Variants in ITGBL1 observed in about 807,000 individuals in gnomAD.
ITGBL1 encodes integrin beta-like protein 1.
Under a neutral mutation model 68.5 loss-of-function variants are expected in ITGBL1, and 51 were observed. The ratio of observed to expected loss-of-function variants is 0.74; its 90% CI spans 0.59 to 0.94. The LOEUF (loss-of-function observed/expected upper bound fraction) is 0.94, where lower values mean the gene tolerates loss of function less well. Ranked by LOEUF, ITGBL1 falls within the 40% of genes least tolerant of loss-of-function variation. ITGBL1 has a pLI of 0.00. For missense variants in ITGBL1, 649 were observed against 647.4 expected (o/e 1.00, Z -0.03); for synonymous variants, 209 against 227.3 (o/e 0.92, Z 0.72).
chr13:101,524,651 TTATTC>T (rs2049342627), intron 2 of ITGBL1, among the ~76,000 whole-genome samples: 1 of 93,494 alleles, frequency 1.1e-5, no homozygotes, highest in Admixed American at 1.3e-4. Context: ...CAATGTATTC[TTATTC>T]TTTTTTTTTT....
At chr13:101,462,274 C>A (rs60182269) in intron 2 of ITGBL1, among the ~76,000 whole-genome samples, 128 of 152,288 alleles carry the variant, frequency 8.4e-4, no homozygotes, top group African/African-American at 2.8e-3. Context: ...CCCAGATAAT[C>A]CAGGATAAGC....
chr13:101,537,572 G>C (rs998611604), intron 2 of ITGBL1, among the ~76,000 whole-genome samples: 1 of 151,866 alleles, frequency 6.6e-6, no homozygotes, highest in Admixed American at 6.6e-5. Context: ...GAGCAGTATG[G>C]TACCTTCACT....
At chr13:101,647,003 G>A (rs557185705) in intron 7 of ITGBL1, among the ~76,000 whole-genome samples, 12 of 152,204 alleles carry the variant, frequency 7.9e-5, no homozygotes, top group African/African-American at 1.9e-4. Flanking sequence ...AATAGACCCT[G>A]AGTGGTACAA....
intron 2 of ITGBL1, among the ~76,000 whole-genome samples, chr13:101,561,331 G>T (rs1036350839): frequency 6.6e-6 from 1 of 152,094 alleles, no homozygotes; most frequent in South Asian, 2.1e-4. Flanking sequence ...GCTCCTCCAG[G>T]ATGGTCATGA....
intron 8 of ITGBL1, among the ~76,000 whole-genome samples, chr13:101,700,016 G>T (rs149643352): frequency 6.6e-6 from 1 of 152,118 alleles, no homozygotes; most frequent in East Asian, 1.9e-4. Flanking sequence ...TAAATATTGG[G>T]GTCCCCAAGA....
At chr13:101,659,781 A>G (rs12584138) in intron 7 of ITGBL1, among the ~76,000 whole-genome samples, 42,631 of 151,996 alleles carry the variant, frequency 0.28, 6,504 homozygotes, top group East Asian at 0.44. Flanking sequence ...ATTTTTAAGT[A>G]ACTATGTATC....
intron 2 of ITGBL1, among the ~76,000 whole-genome samples, chr13:101,555,030 T>A (rs988443188): frequency 6.6e-6 from 1 of 152,188 alleles, no homozygotes; most frequent in African/African-American, 2.4e-5. Context: ...AACAACATCT[T>A]TAATATTACT....
intron 7 of ITGBL1, among the ~76,000 whole-genome samples, chr13:101,687,161 G>C (rs760670658): frequency 6.6e-6 from 1 of 151,994 alleles, no homozygotes; most frequent in Non-Finnish European, 1.5e-5. Context: ...TGAGGTAAAT[G>C]CTATAGAATA....
chr13:101,473,728 C>T (rs182141233), intron 2 of ITGBL1, among the ~76,000 whole-genome samples: 107 of 152,194 alleles, frequency 7.0e-4, no homozygotes, highest in African/African-American at 2.5e-3. Context: ...CAGTGCAGCT[C>T]ATAGCTCCAG....
rs1426520663 is a variant in ITGBL1, at chr13:101,671,443, TTTTG to T, written c.1016-21138_1016-21135del. The stretch of plus-strand genomic sequence containing the variant: ...ATACCTTTGTTTTTTTTTTGTTTTT[TTTTG>T]TTTTTTTTTGAGACGGAGTCTCGCT... On this transcript the variant is annotated intron_variant, in intron 7 of 10. Coordinates refer to ENST00000376180, the MANE Select transcript of ITGBL1 (RefSeq NM_004791.3). Among the ~76,000 whole-genome samples, 20 of 82,150 alleles carry T rather than the reference TTTTG, an allele frequency of 2.4e-4. 2 individuals are homozygous for T. Among genetic ancestry groups the T allele is most frequent in the East Asian group, 1.7e-3 (2 of 1,176 alleles). The allele number at this position is 82,150 out of a possible 152,430, so 53.9% of individuals were successfully genotyped here.
intron 8 of ITGBL1, among the ~76,000 whole-genome samples, chr13:101,703,233 G>T (rs1171678100): frequency 1.3e-5 from 2 of 152,152 alleles, no homozygotes; most frequent in Non-Finnish European, 2.9e-5. Flanking sequence ...GTCTCACTTA[G>T]GGATATTAGG....
intron 3 of ITGBL1, among the ~76,000 whole-genome samples, chr13:101,571,597 C>T (rs927235337): frequency 6.6e-6 from 1 of 152,118 alleles, no homozygotes; most frequent in African/African-American, 2.4e-5. Context: ...CTCTCTTCCT[C>T]AAACCTTGCA....
intron 7 of ITGBL1, among the ~76,000 whole-genome samples, chr13:101,681,357 T>C (rs1201139543): frequency 1.3e-5 from 2 of 152,196 alleles, no homozygotes; most frequent in East Asian, 3.9e-4. Flanking sequence ...TTTTTAACAC[T>C]AGCAGTTCAA....
At chr13:101,603,660 A>T (rs2030526431) in intron 7 of ITGBL1, among the ~76,000 whole-genome samples, 1 of 149,406 alleles carries the variant, frequency 6.7e-6, no homozygotes, top group African/African-American at 2.4e-5. Flanking sequence ...AAAAAAAATG[A>T]CCATAGGAAG....
At chr13:101,695,984 G>A (rs2033992166) in intron 8 of ITGBL1, among the ~76,000 whole-genome samples, 1 of 152,192 alleles carries the variant, frequency 6.6e-6, no homozygotes, top group Non-Finnish European at 1.5e-5. Context: ...CTTGAAAGCT[G>A]TTTACGGAAT....
chr13:101,605,463 CAT>C lies in ITGBL1; in HGVS notation c.1015+7167_1015+7168del, dbSNP rs1190385652. Among the ~76,000 whole-genome samples, 116 of 146,912 alleles carry C rather than the reference CAT, an allele frequency of 7.9e-4. 4 individuals are homozygous for C. The highest frequency in any genetic ancestry group is 7.1e-3 in the Middle Eastern group (2 of 280). Reference sequence around the variant, plus strand: ...ATGCGTATATATACACATATATAGACATATGTATATGCGTATATATACACATA... The same window carrying C: ...ATGCGTATATATACACATATATAGACATGTATATGCGTATATATACACATA... On this transcript the variant is annotated intron_variant, in intron 7 of 10. Transcript: ENST00000376180.
chr13:101,587,652 A>G (rs2050579781), intron 6 of ITGBL1, among the ~76,000 whole-genome samples: 1 of 152,236 alleles, frequency 6.6e-6, no homozygotes. Context: ...TAAGAAAATT[A>G]TGAAAATATA....
intron 7 of ITGBL1, among the ~76,000 whole-genome samples, chr13:101,610,805 G>A (rs921897498): frequency 6.6e-6 from 1 of 152,092 alleles, no homozygotes; most frequent in Admixed American, 6.6e-5. Context: ...AAATATGTCG[G>A]GAGAAGGGAT....
At position 101,630,154 on chromosome 13, in the gene ITGBL1, A is replaced by G. The variant is rs549863076; in HGVS notation, c.1015+31855A>G. The stretch of plus-strand genomic sequence containing the variant: ...TTTTTTTGTTAAAATTTCAAAGTAA[A>G]TTTTGAAAGAATTTTATTTGGACAA... On this transcript the variant is annotated intron_variant, in intron 7 of 10. Coordinates refer to ENST00000376180, the MANE Select transcript of ITGBL1 (RefSeq NM_004791.3). 1.5e-4 allele frequency among the ~76,000 whole-genome samples: 23 copies of G among 152,290 alleles called. 1 individual carries two copies. The highest frequency in any genetic ancestry group is 5.5e-4 in the African/African-American group (23 of 41,562).
Sources: allele counts gnomAD v4.1 joint callset (sites outside exome capture counted in the v4.1 genomes callset), GRCh38; gene constraint gnomAD v4.1.1; transcripts MANE v1.5; gene names NCBI Gene and HGNC (gene_info 2026-07-23, HGNC 2026-07-21).